Variants in GLRX2 observed in about 807,000 individuals in gnomAD.
GLRX2 encodes the protein glutaredoxin 2.
In GLRX2, 12 loss-of-function variants were observed where a neutral mutation model predicts 16.4. That is an observed-to-expected ratio of 0.73 (90% CI 0.47 to 1.19). GLRX2 has a LOEUF of 1.19. Among genes scored for constraint, GLRX2 ranks in the 50% most tolerant of loss-of-function variants. The pLI, the probability that GLRX2 is intolerant of heterozygous loss-of-function variation, is 0.00. For synonymous variants in GLRX2, 95 were observed against 76.2 expected (o/e 1.25, Z -1.28); for missense variants, 201 against 201.8 (o/e 1.00, Z 0.02).
chr1:193,105,756 A>T, upstream of GLRX2: 1 of 1,395,418 alleles, frequency 7.2e-7, no homozygotes, highest in Non-Finnish European at 9.3e-7. Flanking sequence ...GAGAAAAAAC[A>T]TGACCATCCA....
At chr1:193,105,464 C>T (rs1462125736), upstream of GLRX2, 1 of 1,461,644 alleles carries the variant, frequency 6.8e-7, no homozygotes, top group Non-Finnish European at 9.0e-7. Context: ...CCGGCCCCCG[C>T]CTTGCCCCGC....
intron 1 of GLRX2, among the ~76,000 whole-genome samples, chr1:193,102,932 C>A (rs1377025195): frequency 6.6e-6 from 1 of 152,230 alleles, no homozygotes; most frequent in South Asian, 2.1e-4. Flanking sequence ...TATAAGCTCC[C>A]CACGCTTTAG....
chr1:193,096,496 A>C lies in GLRX2; in HGVS notation c.*129T>G, dbSNP rs1674961475. The C allele has an allele frequency of 2.0e-6, 1 of 501,634 alleles. No homozygotes were observed. The highest frequency in any genetic ancestry group is 3.2e-5 in the East Asian group (1 of 31,160). 31.1% of individuals were successfully genotyped at this position (501,634 alleles called of 1,614,324 possible). On this transcript the variant is annotated 3_prime_UTR_variant, in exon 4 of 4. Transcript: ENST00000367439. ...AGGTTTCCACCGCAATTTATTGTTC[A>C]TTATTTTTACATCTTCTTCGTGAAG...
upstream of GLRX2, chr1:193,105,491 G>T (rs371731758): frequency 5.7e-6 from 7 of 1,227,984 alleles, no homozygotes; most frequent in Admixed American, 1.0e-4. Flanking sequence ...CCGCCCCTCC[G>T]GACTGCCCGC....
intron 1 of GLRX2, among the ~76,000 whole-genome samples, chr1:193,104,722 G>C (rs553774855): frequency 6.6e-6 from 1 of 152,350 alleles, no homozygotes; most frequent in African/African-American, 2.4e-5. Context: ...CACTATCCTC[G>C]GTCTAGCCGC....
At chr1:193,099,403 C>A (rs1332533705) in intron 2 of GLRX2, among the ~76,000 whole-genome samples, 1 of 152,030 alleles carries the variant, frequency 6.6e-6, no homozygotes, top group Non-Finnish European at 1.5e-5. Flanking sequence ...TACAAGGGTG[C>A]GATCTCAGCT....
At chr1:193,105,795 T>C, upstream of GLRX2, 1 of 1,338,676 alleles carries the variant, frequency 7.5e-7, no homozygotes, top group Non-Finnish European at 9.5e-7. Flanking sequence ...GCCTCAGATG[T>C]TTCCAACTAC....
At chr1:193,096,884 C>A in intron 3 of GLRX2, 125 bp from the exon 4 acceptor site, 1 of 648,980 alleles carries the variant, frequency 1.5e-6, no homozygotes, top group Admixed American at 3.1e-5. Context: ...AGCTCTTTCA[C>A]AAATTAAATC....
Position 193,096,624 on chromosome 1 carries a change from A to C in GLRX2, c.*1T>G, listed in dbSNP as rs1256260235. ...TACTAGCAAACTTATTAGTATAAACATCACTGAAATTCTTTCCTCTTACTT... is the reference window on the plus strand; with the variant it reads ...TACTAGCAAACTTATTAGTATAAACCTCACTGAAATTCTTTCCTCTTACTT... On this transcript the variant is annotated 3_prime_UTR_variant, in exon 4 of 4. Transcript: ENST00000367439. 45 of 1,554,472 alleles carry C rather than the reference A, an allele frequency of 2.9e-5. No individual in the cohort carries two copies. The highest frequency in any genetic ancestry group is 3.9e-5 in the Non-Finnish European group (44 of 1,129,572).
At position 193,096,562 on chromosome 1, in the gene GLRX2, C is replaced by T; in HGVS notation, c.*63G>A. ...AAAACATCCTCAAACATTTAAAAGACATTATCGGGCATTACCACTTTAAAT... is the reference window on the plus strand; with the variant it reads ...AAAACATCCTCAAACATTTAAAAGATATTATCGGGCATTACCACTTTAAAT... On this transcript the variant is annotated 3_prime_UTR_variant, in exon 4 of 4. Coordinates refer to ENST00000367439, the MANE Select transcript of GLRX2 (RefSeq NM_197962.3). 2 of 841,814 alleles carry T rather than the reference C, an allele frequency of 2.4e-6. No homozygotes were observed. Among genetic ancestry groups the T allele is most frequent in the South Asian group, 3.8e-5 (2 of 52,856 alleles). The allele number at this position is 841,814 out of a possible 1,614,324, so 52.1% of individuals were successfully genotyped here.
chr1:193,098,871 T>C (rs1675015178), intron 2 of GLRX2, among the ~76,000 whole-genome samples: 1 of 152,174 alleles, frequency 6.6e-6, no homozygotes, highest in Admixed American at 6.5e-5. Flanking sequence ...ATACTTCTTT[T>C]CAAATATTCA....
At chr1:193,105,604 G>A, upstream of GLRX2, 2 of 1,606,416 alleles carry the variant, frequency 1.2e-6, no homozygotes, top group South Asian at 1.1e-5. Context: ...CTTTAGAGGG[G>A]AGAAGCGGCT....
At chr1:193,105,229 C>G (rs767739251) in intron 1 of GLRX2, 35 bp downstream of exon 1, 1 of 1,531,112 alleles carries the variant, frequency 6.5e-7, no homozygotes, top group South Asian at 1.2e-5. Context: ...GGCCTGCGCA[C>G]CACGCCGCGG....
In GLRX2 at chr1:193,096,692, T is replaced by C; in HGVS notation, c.428A>G (p.Glu143Gly). 6.2e-7 allele frequency: 1 copy of C among 1,608,186 alleles called. No individual in the cohort carries two copies. The highest frequency in any genetic ancestry group is 8.5e-7 in the Non-Finnish European group (1 of 1,174,948). Residue 143 changes from glutamate (E) to glycine (G), a missense_variant, in exon 4 of 4, where the codon GAA (glutamate) becomes GGA (glycine). Physicochemically the swap from Glu to Gly is moderately conservative, Grantham distance 98. Coordinates refer to ENST00000367439, the MANE Select transcript of GLRX2 (RefSeq NM_197962.3). ...GATDTHRLHK[E>G]GKLLPLVHQC... Reference sequence around the variant, plus strand: ...ATGAACTAGTGGGAGCAATTTTCCTTCTTTGTGAAGCCTATGAGTGTCAGT... The same window carrying C: ...ATGAACTAGTGGGAGCAATTTTCCTCCTTTGTGAAGCCTATGAGTGTCAGT...
chr1:193,097,957 A>T (rs1674993470), intron 2 of GLRX2, among the ~76,000 whole-genome samples, 197 bp from the exon 3 acceptor site: 1 of 152,218 alleles, frequency 6.6e-6, no homozygotes, highest in African/African-American at 2.4e-5. Context: ...GATATAACAA[A>T]AAGTGCCTGG....
At chr1:193,097,457 G>T in intron 3 of GLRX2, 127 bp downstream of exon 3, 1 of 611,560 alleles carries the variant, frequency 1.6e-6, no homozygotes, top group South Asian at 3.7e-5. Flanking sequence ...CTGGTTCCTA[G>T]ATCTGCAGCT....
At chr1:193,100,351 G>A (rs1045567644) in intron 2 of GLRX2, among the ~76,000 whole-genome samples, 9 of 152,270 alleles carry the variant, frequency 5.9e-5, no homozygotes, top group African/African-American at 2.2e-4. Context: ...GTGGACGCCT[G>A]TAATCCCAGC....
intron 2 of GLRX2, 88 bp from the exon 3 acceptor site, chr1:193,097,848 G>T: frequency 1.1e-6 from 1 of 880,326 alleles, no homozygotes; most frequent in South Asian, 2.2e-5. Context: ...TATGGATTTT[G>T]GTCTCTCATG....
intron 1 of GLRX2, 84 bp downstream of exon 1, chr1:193,105,180 G>A (rs1675162059): frequency 2.1e-6 from 3 of 1,441,664 alleles, no homozygotes; most frequent in Non-Finnish European, 2.7e-6. Context: ...CCGGGGCAAA[G>A]GGGCACCTCC....
Sources: gnomAD v4.1 joint callset for allele counts (sites outside exome capture counted in the v4.1 genomes callset) on GRCh38, gnomAD v4.1.1 for gene constraint, MANE v1.5 for transcripts, NCBI Gene and HGNC (gene_info 2026-07-23, HGNC 2026-07-21) for gene names.